Variants in AP4S1 observed in about 807,000 individuals in gnomAD.
AP4S1 encodes the protein AP-4 complex subunit sigma-1.
Under a neutral mutation model 19.8 loss-of-function variants are expected in AP4S1, and 23 were observed. The observed-to-expected ratio is 1.16, with a 90% CI of 0.84 to 1.65. The LOEUF (loss-of-function observed/expected upper bound fraction) is 1.65, where lower values mean the gene tolerates loss of function less well. Among genes scored for constraint, AP4S1 ranks in the 40% most tolerant of loss-of-function variants. AP4S1 has a pLI of 0.00. For missense variants in AP4S1, 166 were observed against 172.8 expected, an observed-to-expected ratio of 0.96 and a Z score of 0.22; for synonymous variants, 46 against 54.1, an observed-to-expected ratio of 0.85 and a Z score of 0.66.
At chr14:31,076,751 T>C (rs534673698) in intron 4 of AP4S1, among the ~76,000 whole-genome samples, 1 of 152,282 alleles carries the variant, frequency 6.6e-6, no homozygotes, top group East Asian at 1.9e-4. Context: ...GTTCCATTGA[T>C]CTCTGTGTCT....
At chr14:31,088,242 CG>C (rs1471891175) in intron 5 of AP4S1, among the ~76,000 whole-genome samples, 1 of 152,168 alleles carries the variant, frequency 6.6e-6, no homozygotes, top group Non-Finnish European at 1.5e-5. Flanking sequence ...CATATTCATC[CG>C]CCAGCATTCC....
rs150827944 is a variant in AP4S1 at position 31,038,653 on chromosome 14, TC to T, written c.-72+12868del. Among the ~76,000 whole-genome samples the T allele has an allele frequency of 2.8e-3, 419 of 152,300 alleles. 15 individuals carry two copies. In the East Asian group the frequency reaches 0.068, roughly 25 times the overall value. On this transcript the variant is annotated intron_variant, in intron 1 of 5. Coordinates refer to ENST00000542754, the MANE Select transcript of AP4S1 (RefSeq NM_001128126.3). ...CCACATACTAAATGAAACTGGGTCTTCCTCAACCATTTCACTGAGTGACCTT... is the reference window on the plus strand; with the variant it reads ...CCACATACTAAATGAAACTGGGTCTTCTCAACCATTTCACTGAGTGACCTT...
intron 5 of AP4S1, chr14:31,083,684 A>G (rs1228851116): frequency 2.6e-6 from 1 of 386,292 alleles, no homozygotes; most frequent in East Asian, 7.3e-5. Flanking sequence ...TTTTAAATTT[A>G]TTTTTTGAGG....
chr14:31,051,421 A>G (rs1885787349), intron 1 of AP4S1, among the ~76,000 whole-genome samples: 2 of 152,180 alleles, frequency 1.3e-5, no homozygotes. Flanking sequence ...CTGTAATCCC[A>G]GCACTTTGGG....
chr14:31,026,352 T>C (rs1883935073), intron 1 of AP4S1: 3 of 408,298 alleles, frequency 7.3e-6, no homozygotes, highest in Non-Finnish European at 1.1e-5. Flanking sequence ...AGCTGCCGGC[T>C]GCCGCCATTA....
intron 1 of AP4S1, among the ~76,000 whole-genome samples, chr14:31,036,603 A>C (rs1173708669): frequency 6.6e-6 from 1 of 152,178 alleles, no homozygotes; most frequent in Non-Finnish European, 1.5e-5. Context: ...TGCTCAGTGA[A>C]GGGCCTGTCC....
At chr14:31,081,664 TTATA>T (rs1887642568) in intron 5 of AP4S1, among the ~76,000 whole-genome samples, 1 of 151,360 alleles carries the variant, frequency 6.6e-6, no homozygotes, top group Non-Finnish European at 1.5e-5. Context: ...ATATAAATAT[TTATA>T]TAAGAATATA....
intron 1 of AP4S1, among the ~76,000 whole-genome samples, chr14:31,057,926 C>T (rs984348130): frequency 6.6e-5 from 10 of 151,376 alleles, no homozygotes; most frequent in African/African-American, 2.4e-4. Flanking sequence ...CTGCACCCAG[C>T]CAGTTGTTTT....
chr14:31,080,782 T>TC (rs1887596172), intron 5 of AP4S1, 198 bp downstream of exon 5: 2 of 732,110 alleles, frequency 2.7e-6, no homozygotes, highest in Admixed American at 2.1e-5. Context: ...ACAAGGCGAT[T>TC]CTTTTTTTTT....
At chr14:31,068,631 T>A (rs959858201) in intron 2 of AP4S1, among the ~76,000 whole-genome samples, 47 of 152,264 alleles carry the variant, frequency 3.1e-4, no homozygotes, top group African/African-American at 1.1e-3. Flanking sequence ...ATTTCAAACA[T>A]CATTTTCACT....
At chr14:31,057,732 T>C (rs1886199167) in intron 1 of AP4S1, among the ~76,000 whole-genome samples, 1 of 151,946 alleles carries the variant, frequency 6.6e-6, no homozygotes, top group Non-Finnish European at 1.5e-5. Flanking sequence ...TTCAAGTGAT[T>C]CTCCTGCCTT....
At chr14:31,058,231 C>T (rs552665657) in intron 1 of AP4S1, among the ~76,000 whole-genome samples, 8 of 152,188 alleles carry the variant, frequency 5.3e-5, no homozygotes, top group South Asian at 2.1e-4. Flanking sequence ...CGCCTGGCCC[C>T]GTATTCTACT....
At position 31,030,076 on chromosome 14, in the gene AP4S1, G is replaced by A. The variant is rs145744684; in HGVS notation, c.-72+4289G>A. Among the ~76,000 whole-genome samples the A allele has an allele frequency of 8.7e-3, 1,316 of 151,812 alleles. 24 individuals are homozygous for A. Among genetic ancestry groups the A allele is most frequent in the African/African-American group, 0.03 (1,245 of 41,386 alleles). The stretch of plus-strand genomic sequence containing the variant: ...GCTCACTCCAGCTTCAGCCTCCCCA[G>A]CTCAAGCGATCCTCCCACCTCAGCC... On this transcript the variant is annotated intron_variant, in intron 1 of 5. Transcript: ENST00000542754.
intron 1 of AP4S1, among the ~76,000 whole-genome samples, chr14:31,047,693 C>A (rs1259302193): frequency 1.3e-5 from 2 of 152,166 alleles, no homozygotes; most frequent in East Asian, 3.9e-4. Context: ...CCGTGCCCAG[C>A]CTTTGAGACA....
At chr14:31,081,732 TTATG>T (rs1476697902) in intron 5 of AP4S1, among the ~76,000 whole-genome samples, 3 of 151,746 alleles carry the variant, frequency 2.0e-5, no homozygotes, top group Non-Finnish European at 4.4e-5. Flanking sequence ...ATACATGTAT[TTATG>T]TGTGTGTGTG....
chr14:31,026,159 A>G, intron 1 of AP4S1: 1 of 1,486,362 alleles, frequency 6.7e-7, no homozygotes, highest in Non-Finnish European at 8.9e-7. Flanking sequence ...CCGGGCCGCC[A>G]CCACCGCCTC....
chr14:31,060,882 T>C (rs948107600), intron 1 of AP4S1, among the ~76,000 whole-genome samples: 19 of 151,998 alleles, frequency 1.3e-4, no homozygotes, highest in Admixed American at 1.1e-3. Context: ...AGGAGAGTCT[T>C]GACTCCACTT....
rs746923284 is a variant in AP4S1 at position 31,080,629 on chromosome 14, C to T, written c.306+45C>T. 54 of 1,613,226 alleles carry T rather than the reference C, an allele frequency of 3.3e-5. No homozygotes were observed. The highest frequency in any genetic ancestry group is 4.2e-5 in the Non-Finnish European group (50 of 1,179,342). Reference sequence around the variant, plus strand: ...TTTTCCACAGTACTTGGCAAATGCACTCTGGTCCTTATCAGGTAAGTACCA... The same window carrying T: ...TTTTCCACAGTACTTGGCAAATGCATTCTGGTCCTTATCAGGTAAGTACCA... On this transcript the variant is annotated intron_variant, in intron 5 of 5. Transcript: ENST00000542754.
intron 1 of AP4S1, among the ~76,000 whole-genome samples, chr14:31,027,751 C>CTTAG (rs1398725019): frequency 2.0e-5 from 3 of 152,110 alleles, no homozygotes; most frequent in Non-Finnish European, 1.5e-5. Flanking sequence ...CTTTTATGTG[C>CTTAG]TTAGTTTCCT....
Sources: allele counts gnomAD v4.1 joint callset (sites outside exome capture counted in the v4.1 genomes callset), GRCh38; gene constraint gnomAD v4.1.1; transcripts MANE v1.5; gene names NCBI Gene and HGNC (gene_info 2026-07-23, HGNC 2026-07-21).